The following KCNIP4 variants were observed in gnomAD, a reference collection of about 807,000 sequenced individuals.
The protein encoded by KCNIP4 is potassium voltage-gated channel interacting protein 4, also known as Kv channel-interacting protein 4.
In KCNIP4, 12 loss-of-function variants were observed where a neutral mutation model predicts 34.0. That is an observed-to-expected ratio of 0.35 (90% CI 0.23 to 0.57). The LOEUF (loss-of-function observed/expected upper bound fraction) is 0.57, where lower values mean the gene tolerates loss of function less well. Ranked by LOEUF, KCNIP4 falls within the 20% of genes least tolerant of loss-of-function variation. The probability of loss-of-function intolerance (pLI) is 0.83; values close to 1 mark genes in which losing one functional copy is unlikely to be tolerated. For synonymous variants in KCNIP4, 124 were observed against 102.2 expected, an observed-to-expected ratio of 1.21 and a Z score of -1.29; for missense variants, 238 against 311.7, an observed-to-expected ratio of 0.76 and a Z score of 1.78.
chr4:21,577,625 C>CCAT (rs1442763423), intron 1 of KCNIP4, among the ~76,000 whole-genome samples: 1 of 106,434 alleles, frequency 9.4e-6, no homozygotes, highest in African/African-American at 4.3e-5. Context: ...GAGCGAAACT[C>CCAT]CATCTTAAAA....
intron 1 of KCNIP4, among the ~76,000 whole-genome samples, chr4:21,525,237 T>C (rs35476443): frequency 0.076 from 11,566 of 152,268 alleles, 641 homozygotes; most frequent in Middle Eastern, 0.14. Flanking sequence ...TTTCATTTAT[T>C]TTGCATAGTT....
intron 1 of KCNIP4, among the ~76,000 whole-genome samples, chr4:21,490,586 A>G (rs1049173887): frequency 6.6e-6 from 1 of 152,226 alleles, no homozygotes; most frequent in African/African-American, 2.4e-5. Flanking sequence ...AGGAAATAAG[A>G]TTTCTAACAA....
At chr4:21,815,952 TA>T (rs1008024780) in intron 1 of KCNIP4, among the ~76,000 whole-genome samples, 10 of 152,222 alleles carry the variant, frequency 6.6e-5, no homozygotes, top group East Asian at 5.8e-4. Flanking sequence ...TATTTACCAA[TA>T]AAAAAAGTTC....
At chr4:21,077,223 G>T (rs996063081) in intron 1 of KCNIP4, among the ~76,000 whole-genome samples, 3 of 151,962 alleles carry the variant, frequency 2.0e-5, no homozygotes, top group Non-Finnish European at 4.4e-5. Context: ...TCAACCATTT[G>T]GTATCCATTG....
intron 1 of KCNIP4, among the ~76,000 whole-genome samples, chr4:21,194,897 C>A (rs898477176): frequency 6.6e-6 from 1 of 152,164 alleles, no homozygotes; most frequent in Non-Finnish European, 1.5e-5. Context: ...TTAGAGCAGC[C>A]ATTTTTTTCT....
chr4:21,796,175 C>G (rs1248161772), intron 1 of KCNIP4, among the ~76,000 whole-genome samples: 1 of 152,120 alleles, frequency 6.6e-6, no homozygotes. Flanking sequence ...TTGTTCTTTA[C>G]TCTGGTTTCT....
chr4:21,128,781 AC>A (rs1750824504), intron 1 of KCNIP4, among the ~76,000 whole-genome samples: 1 of 152,214 alleles, frequency 6.6e-6, no homozygotes, highest in Non-Finnish European at 1.5e-5. Context: ...GCTATTTCTT[AC>A]ATATCTTATT....
intron 2 of KCNIP4, among the ~76,000 whole-genome samples, chr4:20,879,028 G>A (rs942530923): frequency 1.3e-5 from 2 of 151,866 alleles, no homozygotes; most frequent in African/African-American, 4.8e-5. Context: ...GATATAAGAC[G>A]CTCAGAGTGA....
At position 21,281,614 on chromosome 4, in the gene KCNIP4, A is replaced by G. The variant is rs56333136; in HGVS notation, c.62-398905T>C. On this transcript the variant is annotated intron_variant, in intron 1 of 8. Coordinates refer to ENST00000382152, the MANE Select transcript of KCNIP4 (RefSeq NM_025221.6). Reference sequence around the variant, plus strand: ...TCTCTTTGCACTTAGGTACACACCTAACTGATATTCTAAGTAGTCTTTGAG... The same window carrying G: ...TCTCTTTGCACTTAGGTACACACCTGACTGATATTCTAAGTAGTCTTTGAG... Among the ~76,000 whole-genome samples, 3 of 152,220 alleles carry G rather than the reference A, an allele frequency of 2.0e-5. No individual in the cohort carries two copies. The East Asian group carries it at 5.8e-4, about 29-fold the overall frequency.
intron 1 of KCNIP4, among the ~76,000 whole-genome samples, chr4:21,106,008 C>T (rs1306116131): frequency 1.8e-4 from 28 of 151,394 alleles, no homozygotes; most frequent in Middle Eastern, 3.2e-3. Flanking sequence ...CAGTATTTTA[C>T]TGAGGATTTT....
chr4:21,311,807 T>C (rs1251314430), intron 1 of KCNIP4, among the ~76,000 whole-genome samples: 3 of 152,148 alleles, frequency 2.0e-5, no homozygotes, highest in African/African-American at 7.2e-5. Flanking sequence ...TGCAGTGAGG[T>C]GTTGGCATGA....
In KCNIP4 at chr4:20,741,051, G is replaced by A. The variant is rs1010526964; in HGVS notation, c.430-6316C>T. The stretch of plus-strand genomic sequence containing the variant: ...CCTAAATATATATGCACCAATACAG[G>A]AGCACCCAGATTCATAAAACAAGTC... On this transcript the variant is annotated intron_variant, in intron 5 of 8. Coordinates refer to ENST00000382152, the MANE Select transcript of KCNIP4 (RefSeq NM_025221.6). Among the ~76,000 whole-genome samples the A allele has an allele frequency of 2.6e-5, 4 of 152,214 alleles. No homozygotes were observed. The South Asian group carries it at 8.3e-4, about 32-fold the overall frequency.
chr4:21,541,411 T>G (rs1380122421), intron 1 of KCNIP4, among the ~76,000 whole-genome samples: 1 of 152,132 alleles, frequency 6.6e-6, no homozygotes, highest in African/African-American at 2.4e-5. Context: ...ATGTTTATTC[T>G]AGTCTTAAAC....
At chr4:20,887,277 T>C (rs1184234869) in intron 1 of KCNIP4, among the ~76,000 whole-genome samples, 1 of 151,816 alleles carries the variant, frequency 6.6e-6, no homozygotes, top group Non-Finnish European at 1.5e-5. Context: ...AAGTCCAACA[T>C]AGGTATAATT....
At chr4:21,865,414 AAAAGG>A in intron 1 of KCNIP4, among the ~76,000 whole-genome samples, 1 of 152,264 alleles carries the variant, frequency 6.6e-6, no homozygotes, top group East Asian at 1.9e-4. Flanking sequence ...GACAAGAGAG[AAAAGG>A]AAAGGAAAGG....
At chr4:20,967,449 CA>C (rs1448288809) in intron 1 of KCNIP4, among the ~76,000 whole-genome samples, 2 of 151,952 alleles carry the variant, frequency 1.3e-5, no homozygotes, top group African/African-American at 4.8e-5. Context: ...CATATGGAAC[CA>C]AAAAAGAGCC....
At chr4:20,872,252 G>A (rs1723553215) in intron 2 of KCNIP4, among the ~76,000 whole-genome samples, 1 of 152,134 alleles carries the variant, frequency 6.6e-6, no homozygotes, top group African/African-American at 2.4e-5. Context: ...CCTCAAAGGA[G>A]AATGGTTTGC....
chr4:20,775,453 C>G (rs553588537), intron 3 of KCNIP4, among the ~76,000 whole-genome samples: 1 of 150,666 alleles, frequency 6.6e-6, no homozygotes, highest in Non-Finnish European at 1.5e-5. Context: ...GTAATCCCAG[C>G]ACTTTGGAAA....
At chr4:21,674,541 A>C (rs534093503) in intron 1 of KCNIP4, among the ~76,000 whole-genome samples, 1 of 152,182 alleles carries the variant, frequency 6.6e-6, no homozygotes, top group Non-Finnish European at 1.5e-5. Context: ...GTTATCTTAG[A>C]AAGTCTGAGA....
Sources: gnomAD v4.1 joint callset for allele counts (sites outside exome capture counted in the v4.1 genomes callset) on GRCh38, gnomAD v4.1.1 for gene constraint, MANE v1.5 for transcripts, NCBI Gene and HGNC (gene_info 2026-07-23, HGNC 2026-07-21) for gene names.